Variants in SLC17A1 observed in about 807,000 individuals in gnomAD.
SLC17A1 encodes the protein sodium-dependent phosphate transport protein 1.
A neutral mutation model predicts 53.5 loss-of-function variants in SLC17A1; 51 were observed. The ratio of observed to expected loss-of-function variants is 0.95; its 90% confidence interval spans 0.76 to 1.20. The LOEUF is 1.20. Ranked by LOEUF, SLC17A1 falls within the 50% of genes most tolerant of loss-of-function variation. The pLI is 0.00. For synonymous variants in SLC17A1, 179 were observed against 198.8 expected, an observed-to-expected ratio of 0.90 and a Z score of 0.84; for missense variants, 538 against 568.2, an observed-to-expected ratio of 0.95 and a Z score of 0.54.
intron 6 of SLC17A1, among the ~76,000 whole-genome samples, chr6:25,817,935 C>G (rs1335890820): frequency 6.6e-6 from 1 of 152,196 alleles, no homozygotes; most frequent in Non-Finnish European, 1.5e-5. Flanking sequence ...CTAACTAACA[C>G]AGTCATTAAC....
chr6:25,773,085 T>C, the SLC17A1 span, among the ~76,000 whole-genome samples: 1 of 152,186 alleles, frequency 6.6e-6, no homozygotes, highest in South Asian at 2.1e-4. Flanking sequence ...CAAAAGCAAG[T>C]TGTATGGCCA....
chr6:25,827,623 T>C (rs940883643), intron 2 of SLC17A1, among the ~76,000 whole-genome samples: 2 of 152,200 alleles, frequency 1.3e-5, no homozygotes, highest in African/African-American at 4.8e-5. Flanking sequence ...ACTCTGCCTC[T>C]GACCTGTACA....
At chr6:25,808,835 C>T (rs1386671003) in intron 10 of SLC17A1, among the ~76,000 whole-genome samples, 1 of 152,038 alleles carries the variant, frequency 6.6e-6, no homozygotes, top group East Asian at 1.9e-4. Context: ...CTATGGAAAA[C>T]AGTATAGAGA....
chr6:25,776,544 G>GT, the SLC17A1 span: 1 of 1,546,126 alleles, frequency 6.5e-7, no homozygotes, highest in Non-Finnish European at 8.7e-7. Flanking sequence ...TGTCTGTGTC[G>GT]TGGTGGGGGT....
the SLC17A1 span, chr6:25,726,243 A>G: frequency 9.3e-6 from 15 of 1,613,828 alleles, no homozygotes; most frequent in East Asian, 2.2e-4. Flanking sequence ...CCAAAAGCTT[A>G]TTGAGTTCCT....
the SLC17A1 span, among the ~76,000 whole-genome samples, chr6:25,741,609 A>AG: frequency 1.3e-5 from 2 of 152,062 alleles, no homozygotes; most frequent in South Asian, 4.2e-4. Context: ...CCAGCTACTC[A>AG]GGAGGCTGAG....
At chr6:25,736,077 GA>G in the SLC17A1 span, among the ~76,000 whole-genome samples, 1 of 134,210 alleles carries the variant, frequency 7.5e-6, no homozygotes, top group East Asian at 2.5e-4. Context: ...GGTGACATCA[GA>G]AATAAAAACT....
the SLC17A1 span, chr6:25,726,298 G>C: frequency 6.2e-7 from 1 of 1,613,984 alleles, no homozygotes; most frequent in South Asian, 1.1e-5. Context: ...AATAATGCGA[G>C]TTTTTTTGTT....
At position 25,830,520 on chromosome 6, in the gene SLC17A1, C is replaced by CTACCTTT; in HGVS notation, c.31_34+3dup. On this transcript the variant is annotated splice_donor_region_variant and intron_variant, in intron 2 of 12. Coordinates refer to ENST00000244527, the MANE Select transcript of SLC17A1 (RefSeq NM_005074.5). ...CTGTTTAATGGAACAGAATAAAGTG[C>CTACCTTT]TACCTTTTTTGGGAGGCAACCGGTT... The CTACCTTT allele has an allele frequency of 6.2e-7, 1 of 1,606,628 alleles. No homozygotes were observed.
At chr6:25,770,168 AAT>A in the SLC17A1 span, 11 of 1,613,878 alleles carry the variant, frequency 6.8e-6, no homozygotes, top group East Asian at 2.2e-4. Context: ...ATGTGGCTGG[AAT>A]ATTTGGAGCC....
chr6:25,771,399 C>A, the SLC17A1 span, among the ~76,000 whole-genome samples: 7 of 151,926 alleles, frequency 4.6e-5, no homozygotes, highest in Admixed American at 6.6e-5. Context: ...CATGGTTAAA[C>A]CCCGTCTCTA....
chr6:25,737,468 C>T, the SLC17A1 span, among the ~76,000 whole-genome samples: 1,959 of 152,078 alleles, frequency 0.013, 38 homozygotes, highest in African/African-American at 0.042. Flanking sequence ...TCCAAATTTT[C>T]GGGGAGGTTA....
the SLC17A1 span, among the ~76,000 whole-genome samples, chr6:25,740,933 C>T: frequency 6.6e-6 from 1 of 152,064 alleles, no homozygotes; most frequent in African/African-American, 2.4e-5. Flanking sequence ...AGAAAAATAT[C>T]ACATGTTCTC....
chr6:25,750,829 G>A, the SLC17A1 span, among the ~76,000 whole-genome samples: 1 of 152,104 alleles, frequency 6.6e-6, no homozygotes, highest in Admixed American at 6.5e-5. Context: ...TTTTTTGTCA[G>A]CAATGGGCCT....
chr6:25,731,751 T>G, the SLC17A1 span: 4 of 1,444,712 alleles, frequency 2.8e-6, no homozygotes, highest in Admixed American at 4.1e-5. Context: ...AGCCTTTGGT[T>G]TGTGGAGCTC....
At chr6:25,724,010 C>A in the SLC17A1 span, among the ~76,000 whole-genome samples, 1 of 152,204 alleles carries the variant, frequency 6.6e-6, no homozygotes, top group African/African-American at 2.4e-5. Flanking sequence ...AATGTTCTAT[C>A]TGTAAAACAT....
the SLC17A1 span, among the ~76,000 whole-genome samples, chr6:25,764,500 T>C: frequency 6.6e-6 from 1 of 152,192 alleles, no homozygotes; most frequent in African/African-American, 2.4e-5. Flanking sequence ...AAGGAATTAT[T>C]CCTACCACAC....
intron 8 of SLC17A1, among the ~76,000 whole-genome samples, chr6:25,812,063 G>A (rs911779071): frequency 7.9e-5 from 12 of 152,086 alleles, no homozygotes; most frequent in African/African-American, 2.4e-4. Context: ...AGGAAATACC[G>A]GCCCTGGGGA....
At chr6:25,735,157 T>C in the SLC17A1 span, among the ~76,000 whole-genome samples, 3 of 152,332 alleles carry the variant, frequency 2.0e-5, no homozygotes, top group South Asian at 6.2e-4. Flanking sequence ...TTTTAATAAG[T>C]AAAACAGAAC....
Sources: allele counts gnomAD v4.1 joint callset (sites outside exome capture counted in the v4.1 genomes callset), GRCh38; gene constraint gnomAD v4.1.1; transcripts MANE v1.5; gene names NCBI Gene and HGNC (gene_info 2026-07-23, HGNC 2026-07-21).